KIAA0930: variants seen among roughly 807,000 people sequenced by gnomAD.
The protein encoded by KIAA0930 is KIAA0930.
KIAA0930 carries 24 observed loss-of-function variants against 43.9 expected under a neutral mutation model. The ratio of observed to expected loss-of-function variants is 0.55; its 90% CI spans 0.40 to 0.77. The LOEUF (loss-of-function observed/expected upper bound fraction) is 0.77. KIAA0930 is among the 30% of genes least tolerant of loss of function. The pLI, the probability that KIAA0930 is intolerant of heterozygous loss-of-function variation, is 0.00. For missense variants in KIAA0930, 461 were observed against 574.2 expected (o/e 0.80, Z 2.02); for synonymous variants, 259 against 216.4 (o/e 1.20, Z -1.73).
intron 1 of KIAA0930, among the ~76,000 whole-genome samples, chr22:45,232,037 T>C (rs1243215064): frequency 1.3e-5 from 2 of 152,090 alleles, no homozygotes; most frequent in Non-Finnish European, 2.9e-5. Flanking sequence ...TGAATGGCTG[T>C]TGTTGCTGGA....
In KIAA0930 at chr22:45,197,158, C is replaced by T. The variant is rs12162923; in HGVS notation, c.*18G>A. Reference sequence around the variant, plus strand: ...AGGGCTGGGCCCGGCCGGGGCTCTGCGCAGGCTCCGCACGCGGCTAGGTCA... The same window carrying T: ...AGGGCTGGGCCCGGCCGGGGCTCTGTGCAGGCTCCGCACGCGGCTAGGTCA... On this transcript the variant is annotated 3_prime_UTR_variant, in exon 10 of 10. Transcript: ENST00000336156. 90 of 1,543,092 alleles carry T rather than the reference C, an allele frequency of 5.8e-5. 1 individual carries two copies. In the East Asian group the frequency reaches 1.1e-3, roughly 19 times the overall value.
At chr22:45,216,895 C>T (rs897941088) in intron 1 of KIAA0930, among the ~76,000 whole-genome samples, 1 of 152,142 alleles carries the variant, frequency 6.6e-6, no homozygotes, top group African/African-American at 2.4e-5. Context: ...TCCCGGGGTC[C>T]TATGAAGCCA....
intron 1 of KIAA0930, among the ~76,000 whole-genome samples, chr22:45,215,354 G>T (rs1271797531): frequency 1.3e-5 from 2 of 152,204 alleles, no homozygotes; most frequent in Non-Finnish European, 2.9e-5. Flanking sequence ...CATTGAACTG[G>T]AACTCTCCGA....
intron 1 of KIAA0930, 125 bp downstream of exon 1, chr22:45,240,515 C>G: frequency 1.6e-6 from 1 of 606,762 alleles, no homozygotes. Flanking sequence ...CCCAGGCAGA[C>G]CCAGAGACCA....
intron 2 of KIAA0930, 98 bp from the exon 3 acceptor site, chr22:45,206,010 A>C: frequency 6.5e-7 from 1 of 1,536,650 alleles, no homozygotes; most frequent in South Asian, 1.2e-5. Context: ...CAAGGACTCC[A>C]ATTCTTTTTT....
chr22:45,231,664 T>C (rs930210771), intron 1 of KIAA0930, among the ~76,000 whole-genome samples: 3 of 152,138 alleles, frequency 2.0e-5, no homozygotes, highest in Admixed American at 6.5e-5. Context: ...CATAAAAATG[T>C]ACACTCAGAC....
chr22:45,214,063 G>C (rs2083716307), intron 1 of KIAA0930, among the ~76,000 whole-genome samples: 1 of 152,098 alleles, frequency 6.6e-6, no homozygotes, highest in African/African-American at 2.4e-5. Flanking sequence ...TGTAGTCCCA[G>C]CTACTCTAGA....
intron 1 of KIAA0930, among the ~76,000 whole-genome samples, chr22:45,234,333 T>C (rs2083872993): frequency 7.9e-6 from 1 of 127,248 alleles, no homozygotes; most frequent in South Asian, 2.8e-4. Flanking sequence ...AAGACAAGCC[T>C]GAAACGCCAG....
chr22:45,230,095 C>T (rs965193731), intron 1 of KIAA0930, among the ~76,000 whole-genome samples: 1 of 152,182 alleles, frequency 6.6e-6, no homozygotes, highest in African/African-American at 2.4e-5. Flanking sequence ...GGAACAGCCA[C>T]ATGGGGACAT....
chr22:45,217,113 C>A (rs988419033), intron 1 of KIAA0930, among the ~76,000 whole-genome samples: 33 of 152,272 alleles, frequency 2.2e-4, no homozygotes, highest in African/African-American at 7.5e-4. Flanking sequence ...GTAATCCCAG[C>A]ACCTTGGAAC....
At chr22:45,230,238 G>T (rs772459421) in intron 1 of KIAA0930, among the ~76,000 whole-genome samples, 1 of 152,170 alleles carries the variant, frequency 6.6e-6, no homozygotes, top group African/African-American at 2.4e-5. Flanking sequence ...GACACAGGGC[G>T]GGCAGCGAGT....
chr22:45,228,742 CTA>C (rs1491170398), intron 1 of KIAA0930, among the ~76,000 whole-genome samples: 2 of 74,898 alleles, frequency 2.7e-5, no homozygotes, highest in East Asian at 6.4e-4. Context: ...CTCCACCCCC[CTA>C]CCACCACTCA....
chr22:45,206,038 C>A, intron 2 of KIAA0930, 126 bp from the exon 3 acceptor site: 5 of 1,486,186 alleles, frequency 3.4e-6, no homozygotes, highest in Non-Finnish European at 4.5e-6. Flanking sequence ...TTTTTTGAGA[C>A]AGGGTCTCAC....
At chr22:45,234,141 G>A (rs182203683) in intron 1 of KIAA0930, among the ~76,000 whole-genome samples, 11 of 152,328 alleles carry the variant, frequency 7.2e-5, no homozygotes, top group Middle Eastern at 3.4e-3. Flanking sequence ...AGGGGCAAAC[G>A]TCTCTGTTGT....
At chr22:45,197,254 C>A in intron 9 of KIAA0930, 38 bp from the exon 10 acceptor site, 2 of 1,538,934 alleles carry the variant, frequency 1.3e-6, no homozygotes, top group Non-Finnish European at 1.8e-6. Flanking sequence ...AAACAGTAAC[C>A]CTCAACAGCG....
chr22:45,232,792 G>T (rs1413469009), intron 1 of KIAA0930, among the ~76,000 whole-genome samples: 1 of 152,102 alleles, frequency 6.6e-6, no homozygotes, highest in Non-Finnish European at 1.5e-5. Flanking sequence ...GGCTCCAGGG[G>T]AGGCTGGCCC....
rs2083696406 is a variant in KIAA0930 at position 45,211,860 on chromosome 22, A to AT, written c.216+95dup. ...ATATCACTCACCCTCTTTGATATGC[A>AT]TGAGCACTGTAGGAAAGCCCACATG... On this transcript the variant is annotated intron_variant, in intron 2 of 9. Transcript: ENST00000336156. 2.4e-6 allele frequency: 3 copies of AT among 1,228,384 alleles called. No homozygotes were observed. The South Asian group carries it at 4.0e-5, about 16-fold the overall frequency. 76.1% of individuals were successfully genotyped at this position (1,228,384 alleles called of 1,614,324 possible). A position where few individuals can be genotyped will look rare whatever the true frequency, so the allele number is the denominator to read the frequency against.
chr22:45,202,907 C>T, intron 7 of KIAA0930, 83 bp downstream of exon 7: 1 of 1,217,098 alleles, frequency 8.2e-7, no homozygotes. Context: ...ACCTATGTCC[C>T]CAGGGGGCCG....
intron 5 of KIAA0930, 138 bp from the exon 6 acceptor site, chr22:45,204,123 GC>G (rs2147739763): frequency 9.0e-7 from 1 of 1,112,546 alleles, no homozygotes; most frequent in Non-Finnish European, 1.3e-6. Flanking sequence ...CACTCCTGTG[GC>G]CCCATGCCCT....
Sources: gnomAD v4.1 joint callset for allele counts (sites outside exome capture counted in the v4.1 genomes callset) on GRCh38, gnomAD v4.1.1 for gene constraint, MANE v1.5 for transcripts, NCBI Gene and HGNC (gene_info 2026-07-23, HGNC 2026-07-21) for gene names.